The following DDX24 variants were observed in gnomAD, a reference collection of about 807,000 sequenced individuals.
DDX24 encodes DEAD-box helicase 24.
Under a neutral mutation model 68.9 loss-of-function variants are expected in DDX24, and 24 were observed. The observed-to-expected ratio is 0.35, with a 90% CI of 0.25 to 0.49. The LOEUF (loss-of-function observed/expected upper bound fraction) is 0.49. Among genes scored for constraint, DDX24 ranks in the 20% least tolerant of loss-of-function variants. DDX24 has a pLI of 0.99. For synonymous variants in DDX24, 395 were observed against 385.2 expected, an observed-to-expected ratio of 1.03 and a Z score of -0.30; for missense variants, 989 against 1,039.0, an observed-to-expected ratio of 0.95 and a Z score of 0.66.
chr14:94,072,880 C>T (rs904441372), intron 2 of DDX24, among the ~76,000 whole-genome samples: 2 of 151,074 alleles, frequency 1.3e-5, no homozygotes, highest in Non-Finnish European at 2.9e-5. Flanking sequence ...ACCACTTGTA[C>T]ACCAATAACT....
intron 6 of DDX24, chr14:94,056,923 T>C (rs925105957): frequency 2.6e-5 from 4 of 152,212 alleles, no homozygotes; most frequent in Non-Finnish European, 4.4e-5. Context: ...CACTGTGAGT[T>C]TGTTGTTTCT....
intron 2 of DDX24, among the ~76,000 whole-genome samples, chr14:94,071,586 G>T (rs1885830410): frequency 6.6e-6 from 1 of 152,060 alleles, no homozygotes; most frequent in Non-Finnish European, 1.5e-5. Flanking sequence ...GGAAGCGGAG[G>T]TTGCAGTGAG....
intron 2 of DDX24, among the ~76,000 whole-genome samples, chr14:94,064,558 A>T (rs1412882484): frequency 6.6e-6 from 1 of 152,200 alleles, no homozygotes; most frequent in African/African-American, 2.4e-5. Context: ...TGCCTATGCA[A>T]TGGAACCTCC....
chr14:94,053,873 T>C (rs1254689147), intron 7 of DDX24, among the ~76,000 whole-genome samples: 3 of 152,166 alleles, frequency 2.0e-5, no homozygotes, highest in Non-Finnish European at 4.4e-5. Flanking sequence ...TTGAGATCAG[T>C]GGTGAGATGC....
At chr14:94,055,403 C>T in intron 6 of DDX24, 1 of 552,372 alleles carries the variant, frequency 1.8e-6, no homozygotes, top group South Asian at 2.8e-5. Flanking sequence ...CTCCCATGCC[C>T]CTGACCCTGG....
chr14:94,080,714 C>CAAA (rs201658346), intron 1 of DDX24, among the ~76,000 whole-genome samples: 12 of 149,560 alleles, frequency 8.0e-5, no homozygotes, highest in African/African-American at 3.0e-4. Flanking sequence ...AAAAAACAAA[C>CAAA]AAAAAAAAAC....
intron 3 of DDX24, among the ~76,000 whole-genome samples, 199 bp from the exon 4 acceptor site, chr14:94,061,265 T>C (rs1321444781): frequency 1.3e-5 from 2 of 152,130 alleles, no homozygotes; most frequent in African/African-American, 2.4e-5. Flanking sequence ...ATCTGAGCTC[T>C]ACTTCTTCAG....
chr14:94,060,629 G>C lies in DDX24; in HGVS notation c.1398-16C>G. 3 of 1,608,594 alleles carry C rather than the reference G, an allele frequency of 1.9e-6. No homozygotes were observed. The highest frequency in any genetic ancestry group is 1.3e-5 in the African/African-American group (1 of 74,724). On this transcript the variant is annotated splice_polypyrimidine_tract_variant and intron_variant, in intron 4 of 8. Transcript: ENST00000621632. Reference sequence around the variant, plus strand: ...TACCAGGCACCTGCAGATCCAGAGAGACCCATATCATTGGTCAGCAGCGGG... The same window carrying C: ...TACCAGGCACCTGCAGATCCAGAGACACCCATATCATTGGTCAGCAGCGGG...
intron 2 of DDX24, among the ~76,000 whole-genome samples, chr14:94,064,759 T>C (rs1355816001): frequency 6.6e-6 from 1 of 152,248 alleles, no homozygotes; most frequent in Non-Finnish European, 1.5e-5. Flanking sequence ...AGTGTTTCCC[T>C]GAATTCTGTC....
At chr14:94,073,639 A>T (rs985799683) in intron 2 of DDX24, among the ~76,000 whole-genome samples, 1 of 152,230 alleles carries the variant, frequency 6.6e-6, no homozygotes, top group African/African-American at 2.4e-5. Context: ...TTTAGAGGAT[A>T]TAATAATAAT....
intron 1 of DDX24, 36 bp downstream of exon 1, chr14:94,081,083 A>C (rs1383763228): frequency 6.6e-6 from 1 of 152,256 alleles, no homozygotes; most frequent in Non-Finnish European, 1.5e-5. Context: ...GCCCCTCTCC[A>C]GAGTCGGCTC....
At chr14:94,063,707 T>C (rs1478494953) in intron 2 of DDX24, among the ~76,000 whole-genome samples, 2 of 152,102 alleles carry the variant, frequency 1.3e-5, no homozygotes, top group African/African-American at 2.4e-5. Flanking sequence ...GGCGGGAGGA[T>C]CAAGACCAGC....
At chr14:94,055,327 C>T in intron 6 of DDX24, 143 bp from the exon 7 acceptor site, 2 of 766,868 alleles carry the variant, frequency 2.6e-6, no homozygotes, top group Non-Finnish European at 2.1e-6. Flanking sequence ...GCAATCTAGC[C>T]CTCCTCTCTT....
intron 2 of DDX24, among the ~76,000 whole-genome samples, chr14:94,063,452 A>G (rs540002864): frequency 6.6e-6 from 1 of 152,358 alleles, no homozygotes; most frequent in South Asian, 2.1e-4. Context: ...CCCACTCAAA[A>G]CAAAATGTGA....
intron 2 of DDX24, among the ~76,000 whole-genome samples, chr14:94,074,297 C>T (rs1033490636): frequency 6.6e-6 from 1 of 152,084 alleles, no homozygotes; most frequent in African/African-American, 2.4e-5. Context: ...ACAACTATCC[C>T]ATGAACATAA....
intron 2 of DDX24, among the ~76,000 whole-genome samples, chr14:94,063,867 C>T (rs1885644735): frequency 6.6e-6 from 1 of 152,210 alleles, no homozygotes; most frequent in Non-Finnish European, 1.5e-5. Flanking sequence ...CGTGCCACTG[C>T]ACTCCAGCAT....
intron 3 of DDX24, among the ~76,000 whole-genome samples, chr14:94,061,300 C>G (rs1487018608): frequency 6.6e-6 from 1 of 152,118 alleles, no homozygotes; most frequent in Non-Finnish European, 1.5e-5. Flanking sequence ...TACTCCCTCC[C>G]CTCCAACCAC....
At chr14:94,076,481 G>A (rs1012465825) in intron 2 of DDX24, among the ~76,000 whole-genome samples, 7 of 152,070 alleles carry the variant, frequency 4.6e-5, no homozygotes, top group African/African-American at 1.7e-4. Flanking sequence ...AGGAGTTTGC[G>A]ACCAGCCTGA....
intron 2 of DDX24, among the ~76,000 whole-genome samples, chr14:94,065,255 T>C (rs546319377): frequency 2.6e-5 from 4 of 152,046 alleles, no homozygotes; most frequent in African/African-American, 9.7e-5. Context: ...AGTTTCACCA[T>C]GTTGGCCAGG....
Sources: allele counts gnomAD v4.1 joint callset (sites outside exome capture counted in the v4.1 genomes callset), GRCh38; gene constraint gnomAD v4.1.1; transcripts MANE v1.5; gene names NCBI Gene and HGNC (gene_info 2026-07-23, HGNC 2026-07-21).